CNTN5: variants seen among roughly 807,000 people sequenced by gnomAD.
CNTN5 encodes contactin-5.
Under a neutral mutation model 129.1 loss-of-function variants are expected in CNTN5, and 77 were observed. The observed-to-expected ratio is 0.60, with a 90% CI of 0.50 to 0.72. CNTN5 has a LOEUF of 0.72. Among genes scored for constraint, CNTN5 ranks in the 30% least tolerant of loss-of-function variants. The probability of loss-of-function intolerance (pLI) is 0.00; values close to 1 mark genes in which losing one functional copy is unlikely to be tolerated. For synonymous variants in CNTN5, 509 were observed against 465.6 expected (o/e 1.09, Z -1.20); for missense variants, 1,478 against 1,328.8 (o/e 1.11, Z -1.75).
At chr11:99,382,054 C>A (rs1419470432) in intron 2 of CNTN5, among the ~76,000 whole-genome samples, 1 of 148,660 alleles carries the variant, frequency 6.7e-6, no homozygotes, top group African/African-American at 2.4e-5. Context: ...TTAAAAATTG[C>A]CTTCAAAATT....
intron 13 of CNTN5, among the ~76,000 whole-genome samples, chr11:100,125,078 G>A (rs183614193): frequency 3.0e-4 from 45 of 152,184 alleles, no homozygotes; most frequent in Non-Finnish European, 5.6e-4. Context: ...CTTGAAATAG[G>A]TAAGGATGAT....
At chr11:100,343,379 C>T (rs1952208265) in intron 23 of CNTN5, among the ~76,000 whole-genome samples, 1 of 152,070 alleles carries the variant, frequency 6.6e-6, no homozygotes, top group Non-Finnish European at 1.5e-5. Flanking sequence ...ACCTCAAAAC[C>T]TTCTCCTTTG....
intron 6 of CNTN5, among the ~76,000 whole-genome samples, chr11:99,855,155 A>G (rs945908981): frequency 4.6e-5 from 7 of 152,070 alleles, no homozygotes; most frequent in Admixed American, 1.3e-4. Flanking sequence ...CCAAAAGTAC[A>G]AAAATCAGCC....
chr11:100,189,914 CAT>C (rs1027251363), intron 13 of CNTN5, among the ~76,000 whole-genome samples: 7 of 151,932 alleles, frequency 4.6e-5, no homozygotes, highest in Non-Finnish European at 1.0e-4. Flanking sequence ...TATTGGAAAC[CAT>C]ATGTTTTCAA....
chr11:100,308,868 A>G (rs1951411789), intron 21 of CNTN5: 1 of 984,170 alleles, frequency 1.0e-6, no homozygotes, highest in Non-Finnish European at 1.2e-6. Context: ...GTGCTGAATT[A>G]TCAAATTTTG....
At chr11:99,675,336 G>A (rs1214342040) in intron 3 of CNTN5, among the ~76,000 whole-genome samples, 2 of 152,210 alleles carry the variant, frequency 1.3e-5, no homozygotes, top group Non-Finnish European at 2.9e-5. Flanking sequence ...GAAGTCATCT[G>A]TGGGAGGGGC....
chr11:99,587,388 T>G (rs1167323232), intron 3 of CNTN5, among the ~76,000 whole-genome samples: 1 of 152,204 alleles, frequency 6.6e-6, no homozygotes, highest in African/African-American at 2.4e-5. Context: ...AAAGACACAG[T>G]GTCTCCCATA....
intron 1 of CNTN5, among the ~76,000 whole-genome samples, chr11:99,265,172 G>T (rs1242435823): frequency 2.0e-5 from 3 of 151,486 alleles, no homozygotes; most frequent in African/African-American, 7.3e-5. Flanking sequence ...GAAGAGTAAG[G>T]CATATAGAGA....
At chr11:100,283,171 C>T (rs1950678613) in intron 18 of CNTN5, among the ~76,000 whole-genome samples, 1 of 152,146 alleles carries the variant, frequency 6.6e-6, no homozygotes, top group Non-Finnish European at 1.5e-5. Flanking sequence ...GGGTCTTTCC[C>T]TTCAAGGTAG....
At chr11:99,111,186 C>T (rs909506596) in intron 1 of CNTN5, among the ~76,000 whole-genome samples, 7 of 151,974 alleles carry the variant, frequency 4.6e-5, no homozygotes, top group Non-Finnish European at 5.9e-5. Flanking sequence ...TTAAAACAAG[C>T]GTGGGATCTA....
chr11:100,151,479 T>G (rs186382868), intron 13 of CNTN5, among the ~76,000 whole-genome samples: 2,898 of 152,184 alleles, frequency 0.019, 38 homozygotes, highest in Admixed American at 0.029. Context: ...TGAAGGTTTT[T>G]GGGCTCAAAG....
At chr11:100,281,563 C>A (rs1381543103) in intron 18 of CNTN5, among the ~76,000 whole-genome samples, 1 of 152,010 alleles carries the variant, frequency 6.6e-6, no homozygotes, top group African/African-American at 2.4e-5. Flanking sequence ...TGTCTTGAGG[C>A]ATTGTTCTTT....
At chr11:100,257,509 G>A (rs780107412) in intron 17 of CNTN5, among the ~76,000 whole-genome samples, 38 of 152,114 alleles carry the variant, frequency 2.5e-4, no homozygotes, top group Non-Finnish European at 4.7e-4. Flanking sequence ...CTCCCAGCAG[G>A]GAGTTGTCAC....
intron 2 of CNTN5, among the ~76,000 whole-genome samples, chr11:99,454,324 C>T (rs538339704): frequency 6.6e-5 from 10 of 152,190 alleles, no homozygotes; most frequent in East Asian, 3.9e-4. Flanking sequence ...AATTGTAATC[C>T]GTATAATTCC....
rs764394117 is a variant in CNTN5, at chr11:99,669,470, GTGTATA to G, written c.55+113205_55+113210del. Among the ~76,000 whole-genome samples the G allele has an allele frequency of 7.4e-3, 417 of 56,650 alleles. 1 individual carries two copies. The highest frequency in any genetic ancestry group is 0.014 in the African/African-American group (250 of 17,244). The allele number at this position is 56,650 out of a possible 152,430, so 37.2% of individuals were successfully genotyped here. The stretch of plus-strand genomic sequence containing the variant: ...TGTGTGTGTGTGTGTGTGTGTGTGT[GTGTATA>G]TGTGTATACATATATACACATATAT... On this transcript the variant is annotated intron_variant, in intron 3 of 24. Transcript: ENST00000524871.
chr11:99,915,547 G>C (rs996598592), intron 6 of CNTN5, among the ~76,000 whole-genome samples: 1 of 152,104 alleles, frequency 6.6e-6, no homozygotes, highest in African/African-American at 2.4e-5. Flanking sequence ...TATAGAAAAA[G>C]AATGCTTTTT....
chr11:99,150,286 A>G (rs1165437297), intron 1 of CNTN5, among the ~76,000 whole-genome samples: 1 of 152,046 alleles, frequency 6.6e-6, no homozygotes, highest in Admixed American at 6.6e-5. Context: ...TATTTACATT[A>G]TTTGGTATGT....
intron 1 of CNTN5, among the ~76,000 whole-genome samples, chr11:99,282,285 A>C (rs1052892280): frequency 9.9e-5 from 15 of 152,078 alleles, no homozygotes; most frequent in African/African-American, 3.4e-4. Context: ...TATGACAGAG[A>C]AAAAGAAATA....
Position 99,889,311 on chromosome 11 carries a change from TGTGTGTGTGTGTGTGTGTG to T in CNTN5, c.578-26742_578-26724del, listed in dbSNP as rs1565642577. ...GAGCAGGTGTGTGTGTGTGTGTGTG[TGTGTGTGTGTGTGTGTGTG>T]TGTGTGTGTGTGTGTGTGTGTGTGT... On this transcript the variant is annotated intron_variant, in intron 6 of 24. Coordinates refer to ENST00000524871, the MANE Select transcript of CNTN5 (RefSeq NM_014361.4). Among the ~76,000 whole-genome samples the T allele has an allele frequency of 1.8e-3, 201 of 110,934 alleles. 4 individuals carry two copies. In the East Asian group the frequency reaches 0.033, roughly 18 times the overall value. 72.8% of individuals were successfully genotyped at this position (110,934 alleles called of 152,430 possible).
Sources: allele counts gnomAD v4.1 joint callset (sites outside exome capture counted in the v4.1 genomes callset), GRCh38; gene constraint gnomAD v4.1.1; transcripts MANE v1.5; gene names NCBI Gene and HGNC (gene_info 2026-07-23, HGNC 2026-07-21).